Variants in GRAMD4 observed in about 807,000 individuals in gnomAD.
GRAMD4 encodes the protein GRAM domain containing 4.
GRAMD4 carries 25 observed loss-of-function variants against 83.9 expected under a neutral mutation model. That is an observed-to-expected ratio of 0.30 (90% CI 0.22 to 0.42). GRAMD4 has a LOEUF of 0.42. Among genes scored for constraint, GRAMD4 ranks in the 10% least tolerant of loss-of-function variants. GRAMD4 has a pLI of 1.00. For synonymous variants in GRAMD4, 336 were observed against 320.9 expected (o/e 1.05, Z -0.50); for missense variants, 593 against 788.7 (o/e 0.75, Z 2.97).
At chr22:46,600,241 G>A (rs748178714) in intron 1 of GRAMD4, among the ~76,000 whole-genome samples, 14 of 152,160 alleles carry the variant, frequency 9.2e-5, no homozygotes, top group Admixed American at 8.5e-4. Context: ...GTGGGATGTG[G>A]GCCACTGCTG....
At chr22:46,612,589 A>G (rs1424334445) in intron 1 of GRAMD4, among the ~76,000 whole-genome samples, 1 of 152,226 alleles carries the variant, frequency 6.6e-6, no homozygotes, top group Non-Finnish European at 1.5e-5. Context: ...ACTGTGGCCC[A>G]GGTTCCCTGG....
At chr22:46,602,611 G>A (rs927087882) in intron 1 of GRAMD4, among the ~76,000 whole-genome samples, 3 of 151,880 alleles carry the variant, frequency 2.0e-5, no homozygotes, top group African/African-American at 4.8e-5. Flanking sequence ...GCGGTGAGCT[G>A]TGATCGTACC....
intron 8 of GRAMD4, among the ~76,000 whole-genome samples, chr22:46,665,362 C>T (rs12170198): frequency 0.057 from 8,707 of 152,344 alleles, 811 homozygotes; most frequent in African/African-American, 0.2. Context: ...CATGTGGAAC[C>T]AGCCGCCCTC....
chr22:46,666,674 C>G (rs1192040298), intron 9 of GRAMD4, 151 bp from the exon 10 acceptor site: 1 of 669,840 alleles, frequency 1.5e-6, no homozygotes, highest in Admixed American at 2.2e-5. Flanking sequence ...GCAGGGGGTT[C>G]CGGAGGGACC....
rs143547274 is a variant in GRAMD4, at chr22:46,589,788, C to G, written c.-50+12498C>G. On this transcript the variant is annotated intron_variant, in intron 1 of 1. Coordinates refer to the GRAMD4 transcript ENST00000431155. The stretch of plus-strand genomic sequence containing the variant: ...CTCAGGTTTCTAGGTGACCCACCTG[C>G]TTTGTGTGCACCCTGAGGCCTGCTG... Among the ~76,000 whole-genome samples the G allele has an allele frequency of 4.8e-3, 726 of 152,296 alleles. 6 individuals are homozygous for G. The highest frequency in any genetic ancestry group is 0.017 in the African/African-American group (701 of 41,558).
chr22:46,627,968 G>A (rs575048202), intron 2 of GRAMD4, among the ~76,000 whole-genome samples: 42 of 152,346 alleles, frequency 2.8e-4, no homozygotes, highest in African/African-American at 8.7e-4. Context: ...CCGGGACCCC[G>A]GTAGGGTGTC....
chr22:46,649,926 G>A (rs752557226), intron 3 of GRAMD4, among the ~76,000 whole-genome samples: 1 of 152,356 alleles, frequency 6.6e-6, no homozygotes, highest in Middle Eastern at 3.4e-3. Flanking sequence ...GTAACTTGCA[G>A]CCTGGTGATT....
chr22:46,671,114 C>T (rs1163902536), intron 13 of GRAMD4: 2 of 469,352 alleles, frequency 4.3e-6, no homozygotes, highest in African/African-American at 2.0e-5. Context: ...ATGGCCCCAG[C>T]TGGGACTTGG....
rs975327250 is a variant in GRAMD4, at chr22:46,640,741, C to G, written c.283+2781C>G. 7.2e-5 allele frequency among the ~76,000 whole-genome samples: 11 copies of G among 152,178 alleles called. 1 individual carries two copies. In the South Asian group the frequency reaches 1.9e-3, roughly 26 times the overall value. ...TCCCTGGTTGAAACCCACCACTGGC[C>G]GCAACAAGATTCCCAGCAAGATTCC... On this transcript the variant is annotated intron_variant, in intron 3 of 18. Transcript: ENST00000406902.
At chr22:46,631,001 G>A (rs572707394) in intron 2 of GRAMD4, among the ~76,000 whole-genome samples, 4 of 152,046 alleles carry the variant, frequency 2.6e-5, no homozygotes, top group South Asian at 2.1e-4. Flanking sequence ...CCCCCACCCC[G>A]GCCTCCACGC....
At chr22:46,617,993 G>A (rs921190335), upstream of GRAMD4, among the ~76,000 whole-genome samples, 1 of 152,206 alleles carries the variant, frequency 6.6e-6, no homozygotes, top group African/African-American at 2.4e-5. Flanking sequence ...CAGAGTCCAT[G>A]GGTGTCCCTA....
chr22:46,578,805 T>C (rs738234), intron 1 of GRAMD4, among the ~76,000 whole-genome samples: 151,730 of 152,334 alleles, frequency 1, 75,565 homozygotes, highest in Middle Eastern at 1. Flanking sequence ...AAAGGGGCCC[T>C]GCCTGTCTTG....
chr22:46,618,616 T>C (rs79566384), upstream of GRAMD4, among the ~76,000 whole-genome samples: 695 of 152,214 alleles, frequency 4.6e-3, 3 homozygotes, highest in African/African-American at 0.015. This position sits in a 1 kb window ranked among gnomAD's most constrained non-coding sequence, Gnocchi z 5.8. Flanking sequence ...CTGCAGAGGC[T>C]GATTTTGCCT....
chr22:46,648,545 A>C (rs1274358660), intron 3 of GRAMD4, among the ~76,000 whole-genome samples: 1 of 148,666 alleles, frequency 6.7e-6, no homozygotes, highest in Non-Finnish European at 1.5e-5. Context: ...GAATGGGAGA[A>C]GGGATGGTTA....
At chr22:46,617,537 G>A (rs1334401214), upstream of GRAMD4, among the ~76,000 whole-genome samples, 1 of 151,934 alleles carries the variant, frequency 6.6e-6, no homozygotes, top group Admixed American at 6.6e-5. Context: ...GTTCCCTTGT[G>A]CGTGTAGGTT....
At chr22:46,640,095 A>G (rs1039056882) in intron 3 of GRAMD4, among the ~76,000 whole-genome samples, 2 of 152,182 alleles carry the variant, frequency 1.3e-5, no homozygotes, top group Non-Finnish European at 2.9e-5. Flanking sequence ...AAGGTATGCT[A>G]TTTGGCCTGG....
chr22:46,669,880 C>T (rs1314669630), intron 13 of GRAMD4, among the ~76,000 whole-genome samples: 1 of 152,186 alleles, frequency 6.6e-6, no homozygotes, highest in Non-Finnish European at 1.5e-5. Context: ...CGACTGGTCT[C>T]TTCTGTTTTG....
Position 46,602,836 on chromosome 22 carries a change from G to A in GRAMD4, c.-49-23915G>A, listed in dbSNP as rs539133770. Among the ~76,000 whole-genome samples the A allele has an allele frequency of 2.5e-4, 34 of 135,632 alleles. No homozygotes were observed. In the South Asian group the frequency reaches 7.7e-3, roughly 31 times the overall value. 89.0% of individuals were successfully genotyped at this position (135,632 alleles called of 152,430 possible). On this transcript the variant is annotated intron_variant, in intron 1 of 1. Transcript: ENST00000431155. ...CGGCTCACTGCAACCTCTGCCTCTTGGGTTCAAGCAATTCTCCTGCCTCAG... is the reference window on the plus strand; with the variant it reads ...CGGCTCACTGCAACCTCTGCCTCTTAGGTTCAAGCAATTCTCCTGCCTCAG...
rs766947468 is a variant in GRAMD4 at position 46,668,825 on chromosome 22, T to G, written c.1001T>G (p.Ile334Ser). ...TTGTTCATGTGGGTCCAGCCGGAGA[T>G]CACACAGAAGCTGTATGTGGCGCTC... The part of the protein sequence containing the change: ...KNLFMWVQPE[I>S]TQKLYVALWA... Residue 334 changes from isoleucine (I) to serine (S), a missense_variant, in exon 13 of 19, where the codon ATC becomes AGC. Coordinates refer to ENST00000406902, the MANE Select transcript of GRAMD4 (RefSeq NM_015124.5). 6.3e-7 allele frequency: 1 copy of G among 1,597,652 alleles called. No homozygotes were observed.
Sources: gnomAD v4.1 joint callset for allele counts (sites outside exome capture counted in the v4.1 genomes callset) on GRCh38, gnomAD v4.1.1 for gene constraint, Gnocchi (gnomAD v3.1) non-coding constraint, MANE v1.5 for transcripts, NCBI Gene and HGNC (gene_info 2026-07-23, HGNC 2026-07-21) for gene names.